The following PGK1 variants were observed in gnomAD, a reference collection of about 807,000 sequenced individuals.
PGK1 encodes phosphoglycerate kinase 1.
A neutral mutation model predicts 26.9 loss-of-function variants in PGK1; 3 were observed. The ratio of observed to expected loss-of-function variants is 0.11; its 90% CI spans 0.05 to 0.29. The LOEUF (loss-of-function observed/expected upper bound fraction) is 0.29, where lower values mean the gene tolerates loss of function less well. Among genes scored for constraint, PGK1 ranks in the 10% least tolerant of loss-of-function variants. PGK1 has a pLI of 1.00. For synonymous variants in PGK1, 125 were observed against 115.3 expected (o/e 1.08, Z -0.54); for missense variants, 270 against 314.7 (o/e 0.86, Z 1.07).
intron 6 of PGK1, among the ~76,000 whole-genome samples, chrX:78,121,478 A>G (rs548189875): frequency 8.9e-6 from 1 of 112,062 alleles, no homozygotes; most frequent in African/African-American, 3.2e-5. Flanking sequence ...TACAACTGAA[A>G]TAAATAGTAA....
At position 78,104,268 on chromosome X, in the gene PGK1, C is replaced by T. The variant is rs1241182576; in HGVS notation, c.-73C>T. ...GCGGTGTTCCGCATTCTGCAAGCCT[C>T]CGGAGCGCACGTCGGCAGTCGGCTC... On this transcript the variant is annotated 5_prime_UTR_variant, in exon 1 of 11. Coordinates refer to ENST00000373316, the MANE Select transcript of PGK1 (RefSeq NM_000291.4). 2.1e-5 allele frequency: 17 copies of T among 794,633 alleles called. No individual in the cohort carries two copies. Among genetic ancestry groups the T allele is most frequent in the Middle Eastern group, 3.9e-4 (1 of 2,588 alleles). 65.5% of individuals were successfully genotyped at this position (794,633 alleles called of 1,213,427 possible).
intron 6 of PGK1, among the ~76,000 whole-genome samples, chrX:78,121,163 C>G (rs781884671): frequency 4.5e-4 from 51 of 112,292 alleles, no homozygotes; most frequent in Non-Finnish European, 7.5e-4. Flanking sequence ...ATCCAATACC[C>G]AATCTGTATT....
At chrX:78,121,676 A>G (rs1175541407) in intron 6 of PGK1, among the ~76,000 whole-genome samples, 6 of 112,421 alleles carry the variant, frequency 5.3e-5, no homozygotes, top group African/African-American at 1.9e-4. Flanking sequence ...AAGGCAGGCT[A>G]TTACTTTGTT....
intron 6 of PGK1, among the ~76,000 whole-genome samples, chrX:78,119,067 T>G (rs1204950853): frequency 5.7e-4 from 64 of 111,384 alleles, no homozygotes; most frequent in Non-Finnish European, 1.0e-3. Flanking sequence ...TTGAAGTGCT[T>G]GAGCCTTATA....
chrX:78,104,798 C>T (rs2078261714), intron 1 of PGK1, among the ~76,000 whole-genome samples: 1 of 111,937 alleles, frequency 8.9e-6, no homozygotes, highest in Admixed American at 9.4e-5. Context: ...TTTCCCTTCC[C>T]CCACGCTCCT....
intron 6 of PGK1, among the ~76,000 whole-genome samples, chrX:78,119,171 C>T (rs782240157): frequency 1.8e-5 from 2 of 110,863 alleles, no homozygotes; most frequent in East Asian, 5.7e-4. Flanking sequence ...AACCATATAA[C>T]CTGGCAGGGT....
intron 1 of PGK1, among the ~76,000 whole-genome samples, chrX:78,109,136 G>A (rs1411784887): frequency 4.5e-5 from 5 of 110,965 alleles, no homozygotes; most frequent in African/African-American, 9.8e-5. Flanking sequence ...TTCTTGTGTC[G>A]TCTTGATTAC....
In PGK1 at chrX:78,127,436, A is replaced by G. The variant is rs1557248822; in HGVS notation, c.*1606A>G. The G allele has an allele frequency of 8.9e-6, 1 of 112,178 alleles. No individual in the cohort carries two copies. Among genetic ancestry groups the G allele is most frequent in the African/African-American group, 3.2e-5 (1 of 30,850 alleles). The allele number at this position is 112,178 out of a possible 1,213,427, so 9.2% of individuals were successfully genotyped here. On this transcript the variant is annotated 3_prime_UTR_variant, in exon 11 of 11. Transcript: ENST00000373316. ...TTGGGAGAGAGCAGAGGTAAACATG[A>G]TTTGAAAAAGCCATGTCTGACCAGA...
Position 78,117,344 on chromosome X carries a change from C to T in PGK1, c.450C>T (p.Phe150=), listed in dbSNP as rs1557247551. ...CCGAGCCAGCCAAAATAGAAGCTTTCCGAGCTTCACTTTCCAAGCTAGGGG... is the reference window on the plus strand; with the variant it reads ...CCGAGCCAGCCAAAATAGAAGCTTTTCGAGCTTCACTTTCCAAGCTAGGGG... ...VKAEPAKIEA[F]RASLSKLGDV... The change falls in exon 5 of 11, where the codon TTC becomes TTT. Residue 150 remains phenylalanine, a synonymous_variant. Coordinates refer to ENST00000373316, the MANE Select transcript of PGK1 (RefSeq NM_000291.4). 2.5e-6 allele frequency: 3 copies of T among 1,206,516 alleles called. No homozygotes were observed. The highest frequency in any genetic ancestry group is 1.1e-6 in the Non-Finnish European group (1 of 892,245).
In PGK1 at chrX:78,128,426, TC is replaced by T. The variant is rs782230984; in HGVS notation, c.*2599del. The T allele has an allele frequency of 7.1e-5, 8 of 112,385 alleles. No individual in the cohort carries two copies. The highest frequency in any genetic ancestry group is 2.6e-4 in the African/African-American group (8 of 30,942). The allele number at this position is 112,385 out of a possible 1,213,427, so 9.3% of individuals were successfully genotyped here. A position where few individuals can be genotyped will look rare whatever the true frequency, so the allele number is the denominator to read the frequency against. On this transcript the variant is annotated 3_prime_UTR_variant, in exon 11 of 11. Coordinates refer to ENST00000373316, the MANE Select transcript of PGK1 (RefSeq NM_000291.4). ...GGCGTGGTGGCGTGTGCCACTGTAGTCCCAGCTATTCAGAAGGCTGAGGCAG... is the reference window on the plus strand; with the variant it reads ...GGCGTGGTGGCGTGTGCCACTGTAGTCCAGCTATTCAGAAGGCTGAGGCAG...
chrX:78,106,863 T>C (rs1216116437), intron 1 of PGK1, among the ~76,000 whole-genome samples: 1 of 111,606 alleles, frequency 9.0e-6, no homozygotes, highest in African/African-American at 3.3e-5. Context: ...TTTTGCTTGC[T>C]CCTGCCTTTT....
chrX:78,120,830 TACTTTC>T (rs1330522517), intron 6 of PGK1, among the ~76,000 whole-genome samples: 1 of 112,233 alleles, frequency 8.9e-6, no homozygotes, highest in Non-Finnish European at 1.9e-5. Context: ...AGACATCATA[TACTTTC>T]ACTTACATAG....
chrX:78,112,722 A>G (rs2078307246), intron 2 of PGK1, among the ~76,000 whole-genome samples: 1 of 112,156 alleles, frequency 8.9e-6, no homozygotes, highest in Non-Finnish European at 1.9e-5. Flanking sequence ...ATATCTCATG[A>G]TGATTTGCTA....
Position 78,126,716 on chromosome X carries a change from ACTT to A in PGK1, c.*891_*893del, listed in dbSNP as rs1380352489. ...AAGGCTCTGTTCCACATATATTTCC[ACTT>A]CTTCATTCTCTCGGTATAGTTTTGT... On this transcript the variant is annotated 3_prime_UTR_variant, in exon 11 of 11. Coordinates refer to ENST00000373316, the MANE Select transcript of PGK1 (RefSeq NM_000291.4). 9.3e-6 allele frequency: 1 copy of A among 108,087 alleles called. No homozygotes were observed. The highest frequency in any genetic ancestry group is 2.8e-4 in the East Asian group (1 of 3,527). The allele number at this position is 108,087 out of a possible 1,213,427, so 8.9% of individuals were successfully genotyped here. A position where few individuals can be genotyped will look rare whatever the true frequency, so the allele number is the denominator to read the frequency against.
intron 6 of PGK1, among the ~76,000 whole-genome samples, chrX:78,119,462 A>G (rs1224913967): frequency 1.8e-5 from 2 of 111,487 alleles, no homozygotes; most frequent in African/African-American, 6.5e-5. Flanking sequence ...TTACCCTTCT[A>G]TGAGCAGGGT....
chrX:78,117,908 GTT>G, intron 5 of PGK1, 141 bp from the exon 6 acceptor site: 1 of 591,695 alleles, frequency 1.7e-6, no homozygotes, highest in Non-Finnish European at 2.9e-6. Context: ...GTACCTAAGT[GTT>G]TTTTGTTGCA....
chrX:78,119,226 A>T (rs1013654175), intron 6 of PGK1, among the ~76,000 whole-genome samples: 2 of 111,621 alleles, frequency 1.8e-5, no homozygotes, highest in African/African-American at 3.3e-5. Context: ...TATAATTTAG[A>T]CCTCATTTCT....
rs2078258839 is a variant in PGK1, at chrX:78,104,484, C to T, written c.65+79C>T. ...GGCCGGAGCCGACTTGTTCTCTCGT[C>T]TGCTCTAAGTTCTTTTAGCTTTTGG... On this transcript the variant is annotated intron_variant, in intron 1 of 10. Transcript: ENST00000373316. 7.7e-6 allele frequency: 6 copies of T among 780,944 alleles called. No homozygotes were observed. The South Asian group carries it at 1.1e-4, about 14-fold the overall frequency. 64.4% of individuals were successfully genotyped at this position (780,944 alleles called of 1,213,427 possible).
intron 9 of PGK1, 48 bp from the exon 10 acceptor site, chrX:78,125,276 CTTT>C: frequency 9.9e-7 from 1 of 1,014,146 alleles, no homozygotes; most frequent in Non-Finnish European, 1.4e-6. Flanking sequence ...GTGCCAATCC[CTTT>C]TTTTTCTTTT....
Sources: gnomAD v4.1 joint callset for allele counts (sites outside exome capture counted in the v4.1 genomes callset) on GRCh38, gnomAD v4.1.1 for gene constraint, MANE v1.5 for transcripts, NCBI Gene and HGNC (gene_info 2026-07-23, HGNC 2026-07-21) for gene names.